Variants in MRPS5 observed in about 807,000 individuals in gnomAD.
MRPS5 encodes small ribosomal subunit protein uS5m.
In MRPS5, 27 loss-of-function variants were observed where a neutral mutation model predicts 51.9. The ratio of observed to expected loss-of-function variants is 0.52; its 90% confidence interval spans 0.38 to 0.72. The LOEUF (loss-of-function observed/expected upper bound fraction) is 0.72. Ranked by LOEUF, MRPS5 falls within the 30% of genes least tolerant of loss-of-function variation. MRPS5 has a pLI of 0.00. For missense variants in MRPS5, 570 were observed against 545.7 expected, an observed-to-expected ratio of 1.04 and a Z score of -0.44; for synonymous variants, 196 against 193.2, an observed-to-expected ratio of 1.01 and a Z score of -0.12.
rs1215946922 is a variant in MRPS5 at position 95,086,721 on chromosome 2, A to G, written c.*636T>C. On this transcript the variant is annotated 3_prime_UTR_variant, in exon 12 of 12. Transcript: ENST00000272418. ...TATATCTAGAAACTATAAGGAACTC[A>G]ATAATAATAAAAAATAACTTTTTAA... Among the ~76,000 whole-genome samples the G allele has an allele frequency of 1.3e-5, 2 of 152,248 alleles. No homozygotes were observed. Among genetic ancestry groups the G allele is most frequent in the Non-Finnish European group, 2.9e-5 (2 of 68,048 alleles).
chr2:95,116,565 T>G lies in MRPS5; in HGVS notation c.139+1300A>C, dbSNP rs113891823. On this transcript the variant is annotated intron_variant, in intron 2 of 11. Coordinates refer to ENST00000272418, the MANE Select transcript of MRPS5 (RefSeq NM_031902.5). ...TATAACAGGAGATGGCATCAGCTTA[T>G]GCTAAATTACTCAGTTACAGATTAT... is the stretch of plus-strand genomic sequence containing the variant. Among the ~76,000 whole-genome samples the G allele has an allele frequency of 2.0e-5, 3 of 152,378 alleles. No individual in the cohort carries two copies. The South Asian group carries it at 6.2e-4, about 32-fold the overall frequency.
At chr2:95,112,371 TTA>T (rs766944604) in intron 3 of MRPS5, among the ~76,000 whole-genome samples, 3 of 151,846 alleles carry the variant, frequency 2.0e-5, no homozygotes, top group Non-Finnish European at 4.4e-5. Context: ...CGGCCTCATG[TTA>T]TATATATATA....
chr2:95,105,277 C>T (rs1432344631), intron 6 of MRPS5, among the ~76,000 whole-genome samples: 1 of 152,142 alleles, frequency 6.6e-6, no homozygotes, highest in Non-Finnish European at 1.5e-5. Context: ...CAGCCGGGCA[C>T]AGTGGCTCAT....
intron 10 of MRPS5, among the ~76,000 whole-genome samples, chr2:95,098,538 G>A (rs1053858346): frequency 1.3e-5 from 2 of 152,060 alleles, no homozygotes; most frequent in South Asian, 2.1e-4. Flanking sequence ...CATGTCCTTC[G>A]TAGGGACATG....
At chr2:95,091,059 A>T (rs1313040652) in intron 10 of MRPS5, 2 of 153,224 alleles carry the variant, frequency 1.3e-5, no homozygotes, top group African/African-American at 4.8e-5. Flanking sequence ...TCTGCCTGTA[A>T]TTCCTTCTCC....
In MRPS5 at chr2:95,110,039, T is replaced by C; in HGVS notation, c.280A>G (p.Thr94Ala). 6.2e-7 allele frequency: 1 copy of C among 1,608,090 alleles called. No individual in the cohort carries two copies. The highest frequency in any genetic ancestry group is 1.1e-5 in the South Asian group (1 of 89,316). The change falls in exon 4 of 12, where the codon ACT (threonine) becomes GCT (alanine). Residue 94 changes from threonine (T) to alanine (A), a missense_variant and splice_region_variant. Coordinates refer to ENST00000272418, the MANE Select transcript of MRPS5 (RefSeq NM_031902.5). Reference protein sequence around the residue: ...YRPYSFFTKLTADELWKGALA... With the variant: ...YRPYSFFTKLAADELWKGALA... ...GCGCCTTTCCACAGCTCATCTGCAG[T>C]CACTGTAACGAAACAGGGTTTCTTT...
rs773586492 is a variant in MRPS5 at position 95,087,512 on chromosome 2, G to A, written c.1138C>T (p.Leu380=). 60 of 1,614,078 alleles carry A rather than the reference G, an allele frequency of 3.7e-5. No homozygotes were observed. The Admixed American group carries it at 9.8e-4, about 26-fold the overall frequency. ...VVEIREECGP[L]PIVVASPRGP... is the part of the protein sequence containing the mutation. The stretch of plus-strand genomic sequence containing the variant: ...CGGGGGGACGCAACCACAATGGGCA[G>A]AGGGCCACATTCCTCCCGGATTTCC... Residue 380 remains leucine (L), a synonymous_variant, in exon 12 of 12, where the codon CTG becomes TTG. Transcript: ENST00000272418.
chr2:95,110,107 T>C (rs1676074318), intron 3 of MRPS5, 66 bp from the exon 4 acceptor site: 2 of 1,565,350 alleles, frequency 1.3e-6, no homozygotes, highest in East Asian at 2.3e-5. Context: ...TGATCTCCTA[T>C]TGAATAATAA....
chr2:95,099,990 G>T (rs1675748868), intron 10 of MRPS5, among the ~76,000 whole-genome samples: 1 of 152,122 alleles, frequency 6.6e-6, no homozygotes, highest in Admixed American at 6.6e-5. Context: ...CCTAGCCCAT[G>T]ACCCTGAACT....
intron 1 of MRPS5, among the ~76,000 whole-genome samples, chr2:95,120,564 AATTGT>A (rs1399004051): frequency 6.6e-6 from 1 of 152,198 alleles, no homozygotes; most frequent in East Asian, 1.9e-4. Context: ...TAAACGGATT[AATTGT>A]ATGGTATGTG....
At chr2:95,089,607 G>A (rs1456538612) in intron 11 of MRPS5, among the ~76,000 whole-genome samples, 1 of 152,132 alleles carries the variant, frequency 6.6e-6, no homozygotes, top group Non-Finnish European at 1.5e-5. Flanking sequence ...ATATGTTAAT[G>A]TTCATAGTTC....
At chr2:95,108,081 A>T in intron 5 of MRPS5, 94 bp downstream of exon 5, 1 of 1,019,132 alleles carries the variant, frequency 9.8e-7, no homozygotes, top group Admixed American at 2.0e-5. Flanking sequence ...GGAAAAAGGT[A>T]GTATAAACAG....
At chr2:95,119,530 C>T (rs1164438920) in intron 1 of MRPS5, among the ~76,000 whole-genome samples, 4 of 151,438 alleles carry the variant, frequency 2.6e-5, no homozygotes, top group African/African-American at 7.3e-5. Context: ...GAGGGTCACC[C>T]GAGCCCAGAA....
At chr2:95,094,710 T>C (rs1421351745) in intron 10 of MRPS5, among the ~76,000 whole-genome samples, 3 of 152,172 alleles carry the variant, frequency 2.0e-5, no homozygotes, top group Non-Finnish European at 4.4e-5. Context: ...AGGCCTGCCT[T>C]ACAAGAACTC....
chr2:95,104,813 C>T (rs1675903524), intron 6 of MRPS5, 83 bp from the exon 7 acceptor site: 1 of 1,206,002 alleles, frequency 8.3e-7, no homozygotes, highest in Admixed American at 1.9e-5. Flanking sequence ...TCCTTGCAGG[C>T]ATACACGGTG....
chr2:95,089,903 C>T (rs1012123172), intron 11 of MRPS5, among the ~76,000 whole-genome samples: 12 of 152,210 alleles, frequency 7.9e-5, no homozygotes, highest in Non-Finnish European at 1.8e-4. Context: ...TCAGGCCGGG[C>T]GCGGTGGCTC....
rs551925342 is a variant in MRPS5, at chr2:95,106,804, A to T, written c.638-347T>A. On this transcript the variant is annotated intron_variant, in intron 5 of 11. Coordinates refer to ENST00000272418, the MANE Select transcript of MRPS5 (RefSeq NM_031902.5). ...GACACCACAGTCCATCATTTCCACG[A>T]AACTTTGTGATGCCCTCAACCCCTT... The T allele has an allele frequency of 2.1e-5, 7 of 339,900 alleles. No homozygotes were observed. In the East Asian group the frequency reaches 4.5e-4, roughly 22 times the overall value. The allele number at this position is 339,900 out of a possible 1,614,324, so 21.1% of individuals were successfully genotyped here.
intron 3 of MRPS5, 57 bp from the exon 4 acceptor site, chr2:95,110,098 G>A (rs1676074081): frequency 6.3e-7 from 1 of 1,580,650 alleles, no homozygotes; most frequent in South Asian, 1.2e-5. Flanking sequence ...AATGGTCTAT[G>A]ATCTCCTATT....
At chr2:95,117,193 T>C (rs1417146084) in intron 2 of MRPS5, among the ~76,000 whole-genome samples, 3 of 151,904 alleles carry the variant, frequency 2.0e-5, no homozygotes, top group Non-Finnish European at 2.9e-5. Context: ...GAGGGTTTTG[T>C]TTCAGCATTT....
Sources: allele counts gnomAD v4.1 joint callset (sites outside exome capture counted in the v4.1 genomes callset), GRCh38; gene constraint gnomAD v4.1.1; transcripts MANE v1.5; gene names NCBI Gene and HGNC (gene_info 2026-07-23, HGNC 2026-07-21).